TMEM53: variants seen among roughly 807,000 people sequenced by gnomAD.
TMEM53 encodes transmembrane protein 53.
In TMEM53, 14 loss-of-function variants were observed where a neutral mutation model predicts 21.4. The observed-to-expected ratio is 0.65, with a 90% CI of 0.43 to 1.02. The LOEUF is 1.02. Among genes scored for constraint, TMEM53 ranks in the 50% least tolerant of loss-of-function variants. The pLI is 0.00. For synonymous variants in TMEM53, 148 were observed against 157.4 expected (o/e 0.94, Z 0.45); for missense variants, 323 against 383.6 (o/e 0.84, Z 1.32).
At position 44,674,340 on chromosome 1, in the gene TMEM53, A is replaced by G; in HGVS notation, c.52T>C (p.Trp18Arg). The G allele has an allele frequency of 6.2e-7, 1 of 1,612,686 alleles. No homozygotes were observed. The highest frequency in any genetic ancestry group is 8.5e-7 in the Non-Finnish European group (1 of 1,179,244). The stretch of plus-strand genomic sequence containing the variant: ...AACCCTCATTCCATACTCTGGCTCC[A>G]GCAGGGCTGATCCGGGATCTCGATG... ...YTIEIPDQPCWSQKNSPSPGG... is the reference protein window; with the variant it reads ...YTIEIPDQPCRSQKNSPSPGG... Residue 18 changes from tryptophan to arginine, a missense_variant, in exon 1 of 3, where the codon TGG becomes CGG. Trp to Arg is a moderately radical substitution (Grantham distance 101, BLOSUM62 -3). This residue lies in a region of TMEM53 where 49 missense variants were observed against 32.9 expected (regional missense o/e 1.49). Transcript: ENST00000372237.
rs553587393 is a variant in TMEM53 at position 44,668,534 on chromosome 1, T to TA, written c.61+5796dup. Among the ~76,000 whole-genome samples the TA allele has an allele frequency of 2.3e-3, 356 of 152,324 alleles. 1 individual carries two copies. The highest frequency in any genetic ancestry group is 8.3e-3 in the African/African-American group (347 of 41,582). On this transcript the variant is annotated intron_variant, in intron 1 of 2. Coordinates refer to ENST00000372237, the MANE Select transcript of TMEM53 (RefSeq NM_024587.4). ...TCTAGTGTCTCACAGTTCCTATATT[T>TA]AAATCAAATTTTTCTTTTCTTCTTT...
At position 44,655,849 on chromosome 1, in the gene TMEM53, A is replaced by G. The variant is rs1220746790; in HGVS notation, c.184-640T>C. 6.6e-6 allele frequency among the ~76,000 whole-genome samples: 1 copy of G among 152,000 alleles called. No homozygotes were observed. ...TCTGGACTCAGGGACCTGACACTCAAATGTCCCTGGTTCCCCGGCCTGGGA... is the reference window on the plus strand; with the variant it reads ...TCTGGACTCAGGGACCTGACACTCAGATGTCCCTGGTTCCCCGGCCTGGGA... On this transcript the variant is annotated intron_variant, in intron 2 of 2. Transcript: ENST00000372237. The surrounding 1 kb of genome is among the most constrained non-coding windows in gnomAD (Gnocchi z 4.4).
At chr1:44,664,232 C>T (rs56257701) in intron 1 of TMEM53, among the ~76,000 whole-genome samples, 37,216 of 151,360 alleles carry the variant, frequency 0.25, 6,300 homozygotes, top group African/African-American at 0.49. Flanking sequence ...AAGCTGATCA[C>T]CTGAGGTCAG....
intron 2 of TMEM53, among the ~76,000 whole-genome samples, chr1:44,659,835 C>A (rs1316180139): frequency 2.0e-5 from 3 of 151,828 alleles, no homozygotes; most frequent in African/African-American, 7.3e-5. Flanking sequence ...TCCCTATAAC[C>A]CCATGGCCTT....
In TMEM53 at chr1:44,654,808, G is replaced by C. The variant is rs1268093899; in HGVS notation, c.585C>G (p.Phe195Leu). The change falls in exon 3 of 3, where the codon TTC becomes TTG. Residue 195 changes from phenylalanine (F) to leucine (L), a missense_variant. Phe to Leu is a conservative substitution (Grantham distance 22). Around this residue, in one of 3 missense-constraint regions of TMEM53, gnomAD observed 269 missense variants for 334.5 expected, o/e 0.80. Coordinates refer to ENST00000372237, the MANE Select transcript of TMEM53 (RefSeq NM_024587.4). This position sits in a 1 kb window ranked among gnomAD's most constrained non-coding sequence, Gnocchi z 7.0. ...HVLLAPITAL[F>L]HTHFYDRLQD... ...GTAGCCTGTCATAGAAGTGGGTGTGGAAGAGGGCTGTGATGGGAGCAAGCA... is the reference window on the plus strand; with the variant it reads ...GTAGCCTGTCATAGAAGTGGGTGTGCAAGAGGGCTGTGATGGGAGCAAGCA... The C allele has an allele frequency of 6.2e-7, 1 of 1,613,792 alleles. No individual in the cohort carries two copies. Among genetic ancestry groups the C allele is most frequent in the Non-Finnish European group, 8.5e-7 (1 of 1,180,046 alleles).
chr1:44,653,776 C>T lies in TMEM53; in HGVS notation c.*783G>A, dbSNP rs55750752. 531 of 152,368 alleles carry T rather than the reference C, an allele frequency of 3.5e-3. 2 individuals carry two copies. Among genetic ancestry groups the T allele is most frequent in the Non-Finnish European group, 6.2e-3 (425 of 68,050 alleles). The allele number at this position is 152,368 out of a possible 1,614,324, so 9.4% of individuals were successfully genotyped here. A position where few individuals can be genotyped will look rare whatever the true frequency, so the allele number is the denominator to read the frequency against. On this transcript the variant is annotated 3_prime_UTR_variant, in exon 3 of 3. Transcript: ENST00000372237. ...GCTACCCCTGACCGATATACCTTCC[C>T]TCTGGCATCTCCCCACAAAGGTCAC... is the stretch of plus-strand genomic sequence containing the variant.
chr1:44,661,942 G>A (rs1313114422), intron 1 of TMEM53, among the ~76,000 whole-genome samples: 1 of 152,162 alleles, frequency 6.6e-6, no homozygotes, highest in Non-Finnish European at 1.5e-5. Flanking sequence ...TCTGTACAAG[G>A]ACCGTCTGTA....
intron 2 of TMEM53, among the ~76,000 whole-genome samples, chr1:44,656,024 C>A (rs1404906244): frequency 1.3e-5 from 2 of 152,288 alleles, no homozygotes; most frequent in Admixed American, 1.3e-4. Context: ...CCTTCTAGGT[C>A]AGTTAGAAAA....
chr1:44,663,563 T>C (rs988095661), intron 1 of TMEM53, among the ~76,000 whole-genome samples: 5 of 152,194 alleles, frequency 3.3e-5, no homozygotes, highest in Non-Finnish European at 7.3e-5. Context: ...ATGGCTATTG[T>C]TATTCATTGC....
At chr1:44,665,635 C>CAAAA (rs60408442) in intron 1 of TMEM53, among the ~76,000 whole-genome samples, 27 of 77,088 alleles carry the variant, frequency 3.5e-4, no homozygotes, top group African/African-American at 1.3e-3. Flanking sequence ...AACTCCATCT[C>CAAAA]AAAAAAAAAA....
chr1:44,670,153 T>C (rs1458607936), intron 1 of TMEM53, among the ~76,000 whole-genome samples: 1 of 94,330 alleles, frequency 1.1e-5, no homozygotes, highest in Non-Finnish European at 2.2e-5. Flanking sequence ...CAAAAATAAA[T>C]ACAACTCCTC....
intron 1 of TMEM53, among the ~76,000 whole-genome samples, chr1:44,660,726 T>C (rs926235783): frequency 2.0e-5 from 3 of 151,840 alleles, no homozygotes; most frequent in African/African-American, 7.3e-5. Flanking sequence ...GGCTCACGCC[T>C]GTAATCCCAG....
chr1:44,670,090 G>A (rs529886291), intron 1 of TMEM53, among the ~76,000 whole-genome samples: 1 of 148,316 alleles, frequency 6.7e-6, no homozygotes, highest in East Asian at 2.0e-4. Context: ...GACCCACCAC[G>A]CCCAGCCAGA....
intron 1 of TMEM53, among the ~76,000 whole-genome samples, chr1:44,662,230 C>T (rs968788718): frequency 3.3e-5 from 5 of 152,224 alleles, no homozygotes; most frequent in Admixed American, 1.3e-4. Context: ...CTGCCCGCAC[C>T]GGTGGGGGTC....
chr1:44,661,150 C>A (rs1012688194), intron 1 of TMEM53, among the ~76,000 whole-genome samples: 1 of 152,090 alleles, frequency 6.6e-6, no homozygotes, highest in East Asian at 1.9e-4. Flanking sequence ...CAAGATCGAG[C>A]GACTCACAAA....
At position 44,655,743 on chromosome 1, in the gene TMEM53, G is replaced by T. The variant is rs1015556513; in HGVS notation, c.184-534C>A. Among the ~76,000 whole-genome samples, 3 of 152,048 alleles carry T rather than the reference G, an allele frequency of 2.0e-5. No individual in the cohort carries two copies. The highest frequency in any genetic ancestry group is 7.2e-5 in the African/African-American group (3 of 41,406). On this transcript the variant is annotated intron_variant, in intron 2 of 2. Transcript: ENST00000372237. This position sits in a 1 kb window ranked among gnomAD's most constrained non-coding sequence, Gnocchi z 4.4. The stretch of plus-strand genomic sequence containing the variant: ...GCCCTGACCACCAGAGGCCACTTCT[G>T]AGCCAGGCCCACATCACTTTCATCA...
chr1:44,674,248 A>G (rs1215201427), intron 1 of TMEM53, 83 bp downstream of exon 1: 4 of 1,507,880 alleles, frequency 2.7e-6, no homozygotes, highest in Non-Finnish European at 3.6e-6. Flanking sequence ...GGGCCGCATG[A>G]GGGGCGGGGC....
chr1:44,673,943 G>A (rs1645048316), intron 1 of TMEM53: 2 of 985,446 alleles, frequency 2.0e-6, no homozygotes, highest in African/African-American at 3.5e-5. Flanking sequence ...CACGCCTTCG[G>A]GAAAATAATA....
intron 1 of TMEM53, 56 bp downstream of exon 1, chr1:44,674,275 A>C: frequency 6.4e-7 from 1 of 1,559,802 alleles, no homozygotes; most frequent in Non-Finnish European, 8.7e-7. Flanking sequence ...TGCGCTCGCA[A>C]CCCACAGGTT....
Sources: allele counts gnomAD v4.1 joint callset (sites outside exome capture counted in the v4.1 genomes callset), GRCh38; gene constraint gnomAD v4.1.1; regional missense constraint gnomAD v4.1.1; non-coding constraint Gnocchi (gnomAD v3.1); transcripts MANE v1.5; gene names NCBI Gene and HGNC (gene_info 2026-07-23, HGNC 2026-07-21).